Variants in ZNF414 observed in about 807,000 individuals in gnomAD.
ZNF414 encodes zinc finger protein 414.
ZNF414 carries 32 observed loss-of-function variants against 38.3 expected under a neutral mutation model. That is an observed-to-expected ratio of 0.83 (90% confidence interval 0.63 to 1.12). The LOEUF is 1.12. ZNF414 is among the 50% of genes most tolerant of loss of function. ZNF414 has a pLI of 0.00. For missense variants in ZNF414, 589 were observed against 557.4 expected, an observed-to-expected ratio of 1.06 and a Z score of -0.57; for synonymous variants, 256 against 248.0, an observed-to-expected ratio of 1.03 and a Z score of -0.30.
chr19:8,512,683 G>A lies in ZNF414; in HGVS notation c.345C>T (p.Gly115=). 1 of 1,568,710 alleles carries A rather than the reference G, an allele frequency of 6.4e-7. No individual in the cohort carries two copies. Among genetic ancestry groups the A allele is most frequent in the Non-Finnish European group, 8.6e-7 (1 of 1,158,354 alleles). ...PGKQIPCSSP[G]CCLSFPSVRD... is the part of the protein sequence containing the mutation. Reference sequence around the variant, plus strand: ...GGACGCTGGGAAAACTGAGGCAGCAGCCAGGGCTGGAGCAAGGGATTTGCT... The same window carrying A: ...GGACGCTGGGAAAACTGAGGCAGCAACCAGGGCTGGAGCAAGGGATTTGCT... Residue 115 remains glycine, a synonymous_variant, in exon 3 of 8, where the codon GGC becomes GGT. Coordinates refer to ENST00000393927, the MANE Select transcript of ZNF414 (RefSeq NM_001146175.2).
At position 8,512,588 on chromosome 19, in the gene ZNF414, C is replaced by T. The variant is rs1468989039; in HGVS notation, c.424+16G>A. The T allele has an allele frequency of 1.3e-6, 2 of 1,588,110 alleles. No homozygotes were observed. Among genetic ancestry groups the T allele is most frequent in the South Asian group, 1.1e-5 (1 of 88,898 alleles). On this transcript the variant is annotated intron_variant, in intron 3 of 7. Coordinates refer to ENST00000393927, the MANE Select transcript of ZNF414 (RefSeq NM_001146175.2). ...CCCACCCTAACCTGCCTCCCCATTA[C>T]CAGTCCTGGCCCTACCTTCCAGGGA...
At position 8,513,352 on chromosome 19, in the gene ZNF414, G is replaced by A; in HGVS notation, c.4-11C>T. 1 of 1,569,120 alleles carries A rather than the reference G, an allele frequency of 6.4e-7. No homozygotes were observed. Among genetic ancestry groups the A allele is most frequent in the Non-Finnish European group, 8.6e-7 (1 of 1,165,846 alleles). Reference sequence around the variant, plus strand: ...TGAGGGTTTCTCCTCCTGGTGGAAGGAAGAGGCGGAGAGAACCCTTCTGGG... The same window carrying A: ...TGAGGGTTTCTCCTCCTGGTGGAAGAAAGAGGCGGAGAGAACCCTTCTGGG... On this transcript the variant is annotated splice_polypyrimidine_tract_variant and intron_variant, in intron 1 of 7. Transcript: ENST00000393927.
intron 6 of ZNF414, chr19:8,511,229 T>A: frequency 7.4e-7 from 1 of 1,350,064 alleles, no homozygotes. Flanking sequence ...CCTACTATCA[T>A]CCCCAGATTC....
Position 8,511,318 on chromosome 19 carries a change from G to A in ZNF414, c.925+168C>T, listed in dbSNP as rs1020124827. On this transcript the variant is annotated intron_variant, in intron 6 of 7. Transcript: ENST00000393927. Reference sequence around the variant, plus strand: ...ATACGGGAACGCCGGCGCAGATGAAGGCGCAGGTGCCAGTCATTTTTAAGG... The same window carrying A: ...ATACGGGAACGCCGGCGCAGATGAAAGCGCAGGTGCCAGTCATTTTTAAGG... The A allele has an allele frequency of 1.9e-5, 28 of 1,439,986 alleles. No homozygotes were observed. In the African/African-American group the frequency reaches 2.2e-4, roughly 11 times the overall value. The allele number at this position is 1,439,986 out of a possible 1,614,324, so 89.2% of individuals were successfully genotyped here.
chr19:8,511,930 C>A lies in ZNF414; in HGVS notation c.561G>T (p.Thr187=), dbSNP rs763067451. Residue 187 remains threonine (T), a synonymous_variant, in exon 5 of 8, where the codon ACG becomes ACT. Transcript: ENST00000393927. ...KCENCLLRFR[T]HRSLFKHLHV... ...GCAGGTGCTTGAAGAGCGAGCGGTG[C>A]GTGCGGAAGCGCAGGAGGCAGTTCT... is the stretch of plus-strand genomic sequence containing the variant. The A allele has an allele frequency of 7.1e-7, 1 of 1,414,112 alleles. No homozygotes were observed. Among genetic ancestry groups the A allele is most frequent in the Admixed American group, 3.0e-5 (1 of 33,036 alleles). The allele number at this position is 1,414,112 out of a possible 1,614,324, so 87.6% of individuals were successfully genotyped here.
chr19:8,511,903 A>G lies in ZNF414; in HGVS notation c.588T>C (p.His196=), dbSNP rs771812176. 3.5e-6 allele frequency: 5 copies of G among 1,414,120 alleles called. No individual in the cohort carries two copies. Among genetic ancestry groups the G allele is most frequent in the Non-Finnish European group, 4.6e-6 (5 of 1,091,808 alleles). The allele number at this position is 1,414,120 out of a possible 1,614,324, so 87.6% of individuals were successfully genotyped here. A position where few individuals can be genotyped will look rare whatever the true frequency, so the allele number is the denominator to read the frequency against. ...RTHRSLFKHL[H]VCAEHAQSPA... is the part of the protein sequence containing the mutation. ...GGCTCTGCGCATGCTCCGCGCAAAC[A>G]TGCAGGTGCTTGAAGAGCGAGCGGT... Residue 196 remains histidine (H), a synonymous_variant, in exon 5 of 8, where the codon CAT becomes CAC. Transcript: ENST00000393927.
At position 8,511,660 on chromosome 19, in the gene ZNF414, G is replaced by A. The variant is rs1418889205; in HGVS notation, c.831C>T (p.Pro277=). 7.3e-6 allele frequency: 11 copies of A among 1,503,614 alleles called. No homozygotes were observed. Among genetic ancestry groups the A allele is most frequent in the Middle Eastern group, 1.8e-4 (1 of 5,668 alleles). 93.1% of individuals were successfully genotyped at this position (1,503,614 alleles called of 1,614,324 possible). A position where few individuals can be genotyped will look rare whatever the true frequency, so the allele number is the denominator to read the frequency against. Residue 277 remains proline (P), a synonymous_variant, in exon 5 of 8, where the codon CCC becomes CCT. Coordinates refer to ENST00000393927, the MANE Select transcript of ZNF414 (RefSeq NM_001146175.2). The part of the protein sequence containing the change: ...PRLRPFLAAA[P]GPPASSAAVW... ...CGGCGGCGCTGGAAGCCGGCGGCCC[G>A]GGTGCAGCGGCCAGGAAGGGGCGCA...
intron 7 of ZNF414, 32 bp downstream of exon 7, chr19:8,510,819 C>A (rs1289399955): frequency 5.4e-6 from 8 of 1,474,430 alleles, no homozygotes; most frequent in Non-Finnish European, 6.4e-6. Context: ...GGCCCCCGCC[C>A]CCCTCTCCAC....
chr19:8,511,637 G>C lies in ZNF414; in HGVS notation c.854C>G (p.Ala285Gly). 1 of 1,509,240 alleles carries C rather than the reference G, an allele frequency of 6.6e-7. No homozygotes were observed. Among genetic ancestry groups the C allele is most frequent in the Non-Finnish European group, 8.8e-7 (1 of 1,133,464 alleles). The allele number at this position is 1,509,240 out of a possible 1,614,324, so 93.5% of individuals were successfully genotyped here. A position where few individuals can be genotyped will look rare whatever the true frequency, so the allele number is the denominator to read the frequency against. The change falls in exon 5 of 8, where the codon GCC (alanine) becomes GGC (glycine). Residue 285 changes from alanine to glycine, a missense_variant. Physicochemically the swap from Ala to Gly is moderately conservative, Grantham distance 60 (BLOSUM62 0). Transcript: ENST00000393927. ...CTCACCTTGGCTCTTTTTCCAGACG[G>C]CGGCGCTGGAAGCCGGCGGCCCGGG... Reference protein sequence around the residue: ...AAPGPPASSAAVWKKSQGAGS... With the variant: ...AAPGPPASSAGVWKKSQGAGS...
chr19:8,512,470 G>A lies in ZNF414; in HGVS notation c.447C>T (p.Ala149=), dbSNP rs549660707. 33 of 1,613,908 alleles carry A rather than the reference G, an allele frequency of 2.0e-5. No homozygotes were observed. The highest frequency in any genetic ancestry group is 3.3e-5 in the Admixed American group (2 of 60,008). Residue 149 remains alanine (A), a synonymous_variant, in exon 4 of 8, where the codon GCC becomes GCT. Coordinates refer to ENST00000393927, the MANE Select transcript of ZNF414 (RefSeq NM_001146175.2). Reference sequence around the variant, plus strand: ...TGGGGAAGGTCTCGGTGCAGCTCAGGGCTGAGCAGCGGAAGAGCTTGCCTG... The same window carrying A: ...TGGGGAAGGTCTCGGTGCAGCTCAGAGCTGAGCAGCGGAAGAGCTTGCCTG... ...SLEGKLFRCS[A]LSCTETFPSM... is the part of the protein sequence containing the mutation.
At position 8,511,908 on chromosome 19, in the gene ZNF414, G is replaced by T; in HGVS notation, c.583C>A (p.Leu195Met). The T allele has an allele frequency of 1.4e-6, 2 of 1,414,812 alleles. No homozygotes were observed. The highest frequency in any genetic ancestry group is 1.8e-6 in the Non-Finnish European group (2 of 1,092,062). 87.6% of individuals were successfully genotyped at this position (1,414,812 alleles called of 1,614,324 possible). The change falls in exon 5 of 8, where the codon CTG becomes ATG. Residue 195 changes from leucine (L) to methionine (M), a missense_variant. Leu to Met is a conservative substitution (Grantham distance 15, BLOSUM62 2). Transcript: ENST00000393927. The part of the protein sequence containing the change: ...FRTHRSLFKH[L>M]HVCAEHAQSP... ...TGCGCATGCTCCGCGCAAACATGCA[G>T]GTGCTTGAAGAGCGAGCGGTGCGTG... is the stretch of plus-strand genomic sequence containing the variant.
Position 8,510,057 on chromosome 19 carries a change from A to G in ZNF414, c.*634T>C, listed in dbSNP as rs1971892150. The G allele has an allele frequency of 6.6e-6, 1 of 151,554 alleles. No individual in the cohort carries two copies. The highest frequency in any genetic ancestry group is 6.6e-5 in the Admixed American group (1 of 15,258). The allele number at this position is 151,554 out of a possible 1,614,324, so 9.4% of individuals were successfully genotyped here. A position where few individuals can be genotyped will look rare whatever the true frequency, so the allele number is the denominator to read the frequency against. On this transcript the variant is annotated 3_prime_UTR_variant, in exon 8 of 8. Transcript: ENST00000393927. Reference sequence around the variant, plus strand: ...TGTAATTCCAGCACTTTGGGAGTCTAAGGCGGGCGGATCATGAGGTCAGGA... The same window carrying G: ...TGTAATTCCAGCACTTTGGGAGTCTGAGGCGGGCGGATCATGAGGTCAGGA...
rs1000887123 is a variant in ZNF414, at chr19:8,511,029, G to A, written c.926-5C>T. 1.3e-5 allele frequency: 16 copies of A among 1,274,036 alleles called. No individual in the cohort carries two copies. The highest frequency in any genetic ancestry group is 3.1e-5 in the African/African-American group (2 of 64,402). 78.9% of individuals were successfully genotyped at this position (1,274,036 alleles called of 1,614,324 possible). On this transcript the variant is annotated splice_region_variant and splice_polypyrimidine_tract_variant and intron_variant, in intron 6 of 7. Coordinates refer to ENST00000393927, the MANE Select transcript of ZNF414 (RefSeq NM_001146175.2). ...TGCGGCTCGGGGCCGCGTGCCCTGC[G>A]GGCAGGCGGGACCCCGTCAGTCCCG... is the stretch of plus-strand genomic sequence containing the variant.
chr19:8,510,791 C>T (rs1971902148), intron 7 of ZNF414, 27 bp from the exon 8 acceptor site: 1 of 1,530,994 alleles, frequency 6.5e-7, no homozygotes, highest in Non-Finnish European at 8.8e-7. Context: ...AGGGGGGCGC[C>T]TGAGCCTCAG....
Position 8,510,434 on chromosome 19 carries a change from T to G in ZNF414, c.*257A>C. 2.4e-5 allele frequency: 8 copies of G among 339,584 alleles called. No homozygotes were observed. The highest frequency in any genetic ancestry group is 4.7e-5 in the Admixed American group (1 of 21,474). 21.0% of individuals were successfully genotyped at this position (339,584 alleles called of 1,614,324 possible). A position where few individuals can be genotyped will look rare whatever the true frequency, so the allele number is the denominator to read the frequency against. On this transcript the variant is annotated 3_prime_UTR_variant, in exon 8 of 8. Coordinates refer to ENST00000393927, the MANE Select transcript of ZNF414 (RefSeq NM_001146175.2). Reference sequence around the variant, plus strand: ...GGAGGTGGGGACCTGGGTCCCAGGATTGGGGTGATGGGAAGACAGGACACA... The same window carrying G: ...GGAGGTGGGGACCTGGGTCCCAGGAGTGGGGTGATGGGAAGACAGGACACA...
intron 6 of ZNF414, 33 bp from the exon 7 acceptor site, chr19:8,511,057 C>A (rs1218129051): frequency 7.8e-5 from 100 of 1,285,966 alleles, no homozygotes; most frequent in Non-Finnish European, 9.6e-5. Flanking sequence ...CAGTCCCGGG[C>A]TCCCCCAGCC....
At chr19:8,512,365 G>A (rs775384833) in intron 4 of ZNF414, 22 bp downstream of exon 4, 3 of 1,611,646 alleles carry the variant, frequency 1.9e-6, no homozygotes, top group Non-Finnish European at 1.7e-6. Flanking sequence ...GCAGGGCGGA[G>A]CTCAAGAGGT....
intron 1 of ZNF414, 116 bp from the exon 2 acceptor site, chr19:8,513,457 G>T: frequency 9.8e-7 from 1 of 1,025,100 alleles, no homozygotes; most frequent in Non-Finnish European, 1.4e-6. Flanking sequence ...GGTGGACTAA[G>T]CTCTTTTTTT....
chr19:8,513,979 G>A (rs999305497), intron 1 of ZNF414, 65 bp downstream of exon 1: 1 of 1,381,014 alleles, frequency 7.2e-7, no homozygotes, highest in South Asian at 1.6e-5. Context: ...CTGTAGGCGC[G>A]ACAGGGCCGC....
Sources: allele counts gnomAD v4.1 joint callset, GRCh38; gene constraint gnomAD v4.1.1; transcripts MANE v1.5; gene names NCBI Gene and HGNC (gene_info 2026-07-23, HGNC 2026-07-21).